Variants in TENM1 observed in about 807,000 individuals in gnomAD.
TENM1 encodes the protein teneurin-1.
TENM1 carries 35 observed loss-of-function variants against 174.8 expected under a neutral mutation model. The observed-to-expected ratio is 0.20, with a 90% CI of 0.15 to 0.27. The LOEUF (loss-of-function observed/expected upper bound fraction) is 0.27, where lower values mean the gene tolerates loss of function less well. Among genes scored for constraint, TENM1 ranks in the 10% least tolerant of loss-of-function variants. TENM1 has a pLI of 1.00. For missense variants in TENM1, 1,633 were observed against 2,130.1 expected, an observed-to-expected ratio of 0.77 and a Z score of 4.59; for synonymous variants, 781 against 798.7, an observed-to-expected ratio of 0.98 and a Z score of 0.37.
At chrX:125,147,083 G>A in the TENM1 span, among the ~76,000 whole-genome samples, 2 of 108,182 alleles carry the variant, frequency 1.8e-5, no homozygotes, top group South Asian at 3.8e-4. Context: ...ATACACACAC[G>A]TGTGTGTATA....
At chrX:124,644,324 T>C (rs935046060) in intron 10 of TENM1, among the ~76,000 whole-genome samples, 6 of 107,242 alleles carry the variant, frequency 5.6e-5, no homozygotes, top group African/African-American at 1.7e-4. Context: ...ATTAAACCCG[T>C]TAGAATGCTG....
chrX:124,414,721 G>A (rs2060575415), intron 25 of TENM1, among the ~76,000 whole-genome samples: 3 of 111,484 alleles, frequency 2.7e-5, no homozygotes, highest in Non-Finnish European at 5.7e-5. Flanking sequence ...CACTACACAA[G>A]ATGCATTTTA....
chrX:124,813,612 GT>G (rs1249364386), intron 3 of TENM1, among the ~76,000 whole-genome samples: 1 of 111,656 alleles, frequency 9.0e-6, no homozygotes. Flanking sequence ...CTCAGCAGCT[GT>G]TAAGTGACAA....
chrX:124,602,300 C>G (rs73634518), intron 11 of TENM1, among the ~76,000 whole-genome samples: 1 of 110,238 alleles, frequency 9.1e-6, no homozygotes, highest in Non-Finnish European at 1.9e-5. Context: ...TATTGGAGTT[C>G]AGAAGAAGAT....
the TENM1 span, among the ~76,000 whole-genome samples, chrX:125,001,053 T>C: frequency 9.0e-6 from 1 of 110,614 alleles, no homozygotes; most frequent in Non-Finnish European, 1.9e-5. Context: ...ACTCCAGACA[T>C]CTCATAATTG....
chrX:124,974,827 T>C, the TENM1 span, among the ~76,000 whole-genome samples: 1 of 99,185 alleles, frequency 1.0e-5, no homozygotes, highest in African/African-American at 3.6e-5. Flanking sequence ...GAATCTTGAC[T>C]CCAAATGTAC....
intron 14 of TENM1, among the ~76,000 whole-genome samples, chrX:124,561,210 T>C (rs760023288): frequency 9.0e-6 from 1 of 111,664 alleles, no homozygotes; most frequent in African/African-American, 3.3e-5. Context: ...TAGTGGTATG[T>C]TAATTTAATT....
chrX:125,108,674 G>A, the TENM1 span, among the ~76,000 whole-genome samples: 1 of 109,333 alleles, frequency 9.1e-6, no homozygotes, highest in Admixed American at 9.8e-5. Context: ...TCCAGCCTGA[G>A]TGACAAAGTG....
the TENM1 span, among the ~76,000 whole-genome samples, chrX:124,982,074 A>AT: frequency 5.7e-5 from 4 of 70,649 alleles, 1 homozygote; most frequent in African/African-American, 1.8e-4. Context: ...CATTTTAAGC[A>AT]TTTTTTTTTC....
At chrX:125,095,829 C>T in the TENM1 span, among the ~76,000 whole-genome samples, 1 of 111,268 alleles carries the variant, frequency 9.0e-6, no homozygotes. Flanking sequence ...AGCTGATGAG[C>T]CACTATATTT....
intron 25 of TENM1, among the ~76,000 whole-genome samples, chrX:124,412,475 A>G (rs1444023591): frequency 8.9e-6 from 1 of 112,397 alleles, no homozygotes; most frequent in African/African-American, 3.2e-5. Flanking sequence ...ATAAAACTAG[A>G]GGCTCCCACA....
chrX:124,588,073 C>G (rs2049598008), intron 11 of TENM1, among the ~76,000 whole-genome samples: 1 of 111,851 alleles, frequency 8.9e-6, no homozygotes, highest in Non-Finnish European at 1.9e-5. Context: ...GAAATAGGAA[C>G]ACTTTTACAC....
At chrX:124,398,342 A>ATTTTTTTTTTTTT (rs200247452) in intron 27 of TENM1, among the ~76,000 whole-genome samples, 1 of 105,529 alleles carries the variant, frequency 9.5e-6, no homozygotes, top group African/African-American at 3.4e-5. Context: ...AATTCCACAG[A>ATTTTTTTTTTTTT]TTTTTTTTTT....
chrX:124,559,763 T>C (rs1046446360), intron 14 of TENM1, among the ~76,000 whole-genome samples: 1 of 111,819 alleles, frequency 8.9e-6, no homozygotes, highest in African/African-American at 3.2e-5. Context: ...AAATCCTGAA[T>C]ACAAGTGAGA....
At chrX:124,455,113 T>C (rs1393023250) in intron 22 of TENM1, among the ~76,000 whole-genome samples, 2 of 112,297 alleles carry the variant, frequency 1.8e-5, no homozygotes, top group Non-Finnish European at 3.8e-5. Flanking sequence ...TTAATCCTGA[T>C]GTTTGATTAA....
chrX:124,953,865 G>A (rs1208492392), intron 1 of TENM1, among the ~76,000 whole-genome samples: 1 of 111,949 alleles, frequency 8.9e-6, no homozygotes, highest in Non-Finnish European at 1.9e-5. Context: ...GATTTAGGAA[G>A]AAGCAGCAAA....
At chrX:124,420,518 T>C (rs1353846155) in exon 25 of TENM1, 1 of 1,212,198 alleles carries the variant, frequency 8.2e-7, no homozygotes, top group Non-Finnish European at 1.1e-6. Context: ...GTGCACTGAA[T>C]TGCCATTGCT....
chrX:124,962,486 T>G (rs891516586), intron 1 of TENM1, among the ~76,000 whole-genome samples: 4 of 112,107 alleles, frequency 3.6e-5, no homozygotes, highest in African/African-American at 1.3e-4. Context: ...AAATTAAGTC[T>G]ATTACTTTTT....
the TENM1 span, among the ~76,000 whole-genome samples, chrX:125,165,224 G>A: frequency 9.0e-6 from 1 of 111,718 alleles, no homozygotes; most frequent in African/African-American, 3.3e-5. Flanking sequence ...AAGCAGGAAA[G>A]AACGGAGTGG....
Sources: gnomAD v4.1 joint callset for allele counts (sites outside exome capture counted in the v4.1 genomes callset) on GRCh38, gnomAD v4.1.1 for gene constraint, MANE v1.5 for transcripts, NCBI Gene and HGNC (gene_info 2026-07-23, HGNC 2026-07-21) for gene names.